DENND2C: variants seen among roughly 807,000 people sequenced by gnomAD.
DENND2C encodes DENN domain-containing protein 2C.
Under a neutral mutation model 112.4 loss-of-function variants are expected in DENND2C, and 72 were observed. That is an observed-to-expected ratio of 0.64 (90% confidence interval 0.53 to 0.78). DENND2C has a LOEUF of 0.78. DENND2C is among the 30% of genes least tolerant of loss of function. DENND2C has a pLI of 0.00. For missense variants in DENND2C, 992 were observed against 1,113.8 expected (o/e 0.89, Z 1.56); for synonymous variants, 329 against 381.6 (o/e 0.86, Z 1.61).
chr1:114,606,972 C>T (rs1655672587), intron 10 of DENND2C, among the ~76,000 whole-genome samples: 1 of 152,234 alleles, frequency 6.6e-6, no homozygotes, highest in Admixed American at 6.5e-5. Context: ...CCAGCCCAGG[C>T]CAGGGAAAGC....
intron 8 of DENND2C, 44 bp downstream of exon 8, chr1:114,618,342 A>T (rs755615163): frequency 7.2e-7 from 1 of 1,387,624 alleles, no homozygotes; most frequent in Non-Finnish European, 9.8e-7. Flanking sequence ...CTCCTCTCAT[A>T]TCCTGACAGC....
chr1:114,627,987 T>TA (rs1160277150), intron 3 of DENND2C, among the ~76,000 whole-genome samples: 1 of 151,346 alleles, frequency 6.6e-6, no homozygotes, highest in African/African-American at 2.4e-5. Flanking sequence ...TTGTCAGGGC[T>TA]AAAAAAAAAT....
At chr1:114,618,550 A>T (rs1656066956) in intron 7 of DENND2C, 68 bp from the exon 8 acceptor site, 2 of 907,210 alleles carry the variant, frequency 2.2e-6, no homozygotes, top group Non-Finnish European at 3.3e-6. Flanking sequence ...GATGACATTA[A>T]TCTATTAGGG....
Position 114,585,161 on chromosome 1 carries a change from G to A in DENND2C, c.*439C>T, listed in dbSNP as rs188851155. The stretch of plus-strand genomic sequence containing the variant: ...AAAGGGGCCATGATAGTTCAGTGAT[G>A]AGAATTATGTGTATAAGGCTAGTGT... On this transcript the variant is annotated 3_prime_UTR_variant, in exon 21 of 21. Transcript: ENST00000393274. 613 of 165,878 alleles carry A rather than the reference G, an allele frequency of 3.7e-3. 4 individuals carry two copies. Among genetic ancestry groups the A allele is most frequent in the African/African-American group, 0.014 (587 of 41,884 alleles). 10.3% of individuals were successfully genotyped at this position (165,878 alleles called of 1,614,324 possible). A position where few individuals can be genotyped will look rare whatever the true frequency, so the allele number is the denominator to read the frequency against.
At chr1:114,589,366 T>C (rs994887175) in intron 18 of DENND2C, among the ~76,000 whole-genome samples, 1 of 152,194 alleles carries the variant, frequency 6.6e-6, no homozygotes, top group African/African-American at 2.4e-5. Flanking sequence ...CCTGTCCATA[T>C]CTATGCAGCT....
At chr1:114,637,411 C>T (rs1227314879) in intron 3 of DENND2C, among the ~76,000 whole-genome samples, 1 of 150,500 alleles carries the variant, frequency 6.6e-6, no homozygotes, top group Admixed American at 6.6e-5. Flanking sequence ...AAAAGAAATA[C>T]TTAGGGATTC....
chr1:114,662,396 T>A (rs550443024), intron 1 of DENND2C, among the ~76,000 whole-genome samples: 1 of 152,076 alleles, frequency 6.6e-6, no homozygotes, highest in African/African-American at 2.4e-5. Context: ...AATTTTAACA[T>A]CCAAACAAAA....
Position 114,587,869 on chromosome 1 carries a change from C to T in DENND2C, c.2515G>A (p.Val839Ile). Reference sequence around the variant, plus strand: ...AAAACACGCTCCCCACGCTCAGTGACAGTCATGTTCAAAGAATAATGTCCT... The same window carrying T: ...AAAACACGCTCCCCACGCTCAGTGATAGTCATGTTCAAAGAATAATGTCCT... Reference protein sequence around the residue: ...LVGHYSLNMTVTERGERVFQR... With the variant: ...LVGHYSLNMTITERGERVFQR... Residue 839 changes from valine (V) to isoleucine (I), a missense_variant, in exon 19 of 21, where the codon GTC (valine) becomes ATC (isoleucine). Transcript: ENST00000393274. 1 of 1,614,138 alleles carries T rather than the reference C, an allele frequency of 6.2e-7. No individual in the cohort carries two copies.
At chr1:114,660,867 C>T (rs1657471337) in intron 1 of DENND2C, among the ~76,000 whole-genome samples, 1 of 151,958 alleles carries the variant, frequency 6.6e-6, no homozygotes, top group Admixed American at 6.6e-5. Context: ...AATCCCTGCA[C>T]TTTGGGAGGC....
At chr1:114,662,688 C>T (rs1473522001) in intron 1 of DENND2C, among the ~76,000 whole-genome samples, 2 of 151,900 alleles carry the variant, frequency 1.3e-5, no homozygotes, top group African/African-American at 4.8e-5. Flanking sequence ...AGGGGCCAGG[C>T]ATAATGGCTT....
intron 1 of DENND2C, among the ~76,000 whole-genome samples, chr1:114,658,715 G>A (rs1657399348): frequency 1.4e-5 from 2 of 141,492 alleles, no homozygotes; most frequent in Non-Finnish European, 3.3e-5. Context: ...AAGTCTGATG[G>A]AAGAAAGGTG....
chr1:114,627,480 GCTAA>G (rs1188241893), intron 3 of DENND2C, among the ~76,000 whole-genome samples: 1 of 151,822 alleles, frequency 6.6e-6, no homozygotes, highest in Non-Finnish European at 1.5e-5. Context: ...CAGAGCAACT[GCTAA>G]CTAAGAATTC....
intron 18 of DENND2C, 124 bp downstream of exon 18, chr1:114,594,349 G>T: frequency 1.3e-6 from 1 of 765,148 alleles, no homozygotes; most frequent in South Asian, 1.8e-5. Context: ...GCTGATTATA[G>T]GATTTTCAGC....
chr1:114,617,317 T>C (rs1292124807), intron 8 of DENND2C, among the ~76,000 whole-genome samples: 4 of 152,186 alleles, frequency 2.6e-5, no homozygotes, highest in Admixed American at 1.3e-4. Flanking sequence ...CTTATTATTT[T>C]TTTTCTTTTT....
At chr1:114,655,982 A>G (rs1346877004) in intron 1 of DENND2C, among the ~76,000 whole-genome samples, 2 of 151,020 alleles carry the variant, frequency 1.3e-5, no homozygotes, top group South Asian at 2.1e-4. Context: ...TGGTAATGCC[A>G]GTATTTATTT....
intron 2 of DENND2C, among the ~76,000 whole-genome samples, chr1:114,650,195 C>T (rs1168770882): frequency 5.3e-5 from 8 of 152,008 alleles, no homozygotes; most frequent in South Asian, 2.1e-4. Flanking sequence ...TGGTGTTGCA[C>T]GCCTGTAATC....
chr1:114,652,777 GC>G (rs1657207494), intron 2 of DENND2C, among the ~76,000 whole-genome samples: 2 of 150,182 alleles, frequency 1.3e-5, no homozygotes, highest in African/African-American at 4.9e-5. Context: ...GAACTCCCGG[GC>G]TCAAGTGATT....
At chr1:114,651,316 G>T (rs1657159504) in intron 2 of DENND2C, among the ~76,000 whole-genome samples, 1 of 138,536 alleles carries the variant, frequency 7.2e-6, no homozygotes. Context: ...CGCCAAGTAT[G>T]AAACATGTGC....
chr1:114,636,891 T>C (rs890467422), intron 3 of DENND2C, among the ~76,000 whole-genome samples: 1 of 151,818 alleles, frequency 6.6e-6, no homozygotes, highest in Admixed American at 6.6e-5. Context: ...TGTGCCTCTA[T>C]ATACTAAGAA....
Sources: allele counts gnomAD v4.1 joint callset (sites outside exome capture counted in the v4.1 genomes callset), GRCh38; gene constraint gnomAD v4.1.1; transcripts MANE v1.5; gene names NCBI Gene and HGNC (gene_info 2026-07-23, HGNC 2026-07-21).